ITPR2: variants seen among roughly 807,000 people sequenced by gnomAD.
ITPR2 encodes the protein inositol 1,4,5-trisphosphate-gated calcium channel ITPR2.
ITPR2 carries 207 observed loss-of-function variants against 317.1 expected under a neutral mutation model. The observed-to-expected ratio is 0.65, with a 90% CI of 0.58 to 0.73. ITPR2 has a LOEUF of 0.73. ITPR2 is among the 30% of genes least tolerant of loss of function. ITPR2 has a pLI of 0.00. For missense variants in ITPR2, 2,613 were observed against 3,284.0 expected (o/e 0.80, Z 4.99); for synonymous variants, 1,156 against 1,149.1 (o/e 1.01, Z -0.12).
chr12:26,832,902 G>C lies in ITPR2; in HGVS notation c.-121C>G. 2 of 757,990 alleles carry C rather than the reference G, an allele frequency of 2.6e-6. No homozygotes were observed. The highest frequency in any genetic ancestry group is 4.4e-6 in the Non-Finnish European group (2 of 459,342). 47.0% of individuals were successfully genotyped at this position (757,990 alleles called of 1,614,324 possible). ...CGGGACTACAGCGGCCAAGAGCCGC[G>C]GCGGAGGGCACGGCCCGAGCCACTG... is the stretch of plus-strand genomic sequence containing the variant. On this transcript the variant is annotated 5_prime_UTR_variant, in exon 1 of 57. Transcript: ENST00000381340.
At chr12:26,628,351 T>C (rs1946671368) in intron 22 of ITPR2, among the ~76,000 whole-genome samples, 189 bp from the exon 23 acceptor site, 1 of 152,248 alleles carries the variant, frequency 6.6e-6, no homozygotes, top group Non-Finnish European at 1.5e-5. Context: ...CTAGCTAATG[T>C]CAGTAAAATC....
intron 55 of ITPR2, chr12:26,373,845 C>T (rs538481242): frequency 6.6e-6 from 1 of 152,334 alleles, no homozygotes; most frequent in South Asian, 2.1e-4. Flanking sequence ...AAGTTCTTCA[C>T]TTGAAGGAGC....
At chr12:26,356,974 T>C (rs1356059626) in intron 55 of ITPR2, among the ~76,000 whole-genome samples, 1 of 152,202 alleles carries the variant, frequency 6.6e-6, no homozygotes, top group Non-Finnish European at 1.5e-5. Context: ...ATGTAAAACT[T>C]GTTTCTAATA....
chr12:26,715,787 T>C lies in ITPR2; in HGVS notation c.673A>G (p.Lys225Glu). The C allele has an allele frequency of 1.2e-6, 2 of 1,609,706 alleles. No homozygotes were observed. The highest frequency in any genetic ancestry group is 4.5e-5 in the East Asian group (2 of 44,784). Residue 225 changes from lysine to glutamate, a missense_variant, in exon 7 of 57, where the codon AAA (lysine) becomes GAA (glutamate). This residue lies in a region of ITPR2 where 515 missense variants were observed against 789.4 expected (regional missense o/e 0.65). Coordinates refer to ENST00000381340, the MANE Select transcript of ITPR2 (RefSeq NM_002223.4). ...ACATCCTCTCGATAGGAACTATATT[T>C]CATGAATAAAGTGATTTTCCAGCTG... ...NTSWKITLFM[K>E]YSSYREDVLK...
At chr12:26,436,384 A>G in intron 47 of ITPR2, 38 bp from the exon 48 acceptor site, 1 of 1,577,394 alleles carries the variant, frequency 6.3e-7, no homozygotes, top group Non-Finnish European at 8.6e-7. Context: ...GAACAGGAAA[A>G]TACATTTTGG....
Position 26,831,472 on chromosome 12 carries a change from G to T in ITPR2, c.92+1218C>A, listed in dbSNP as rs961083038. ...CCCCAAAGCCTAACAGCTGAAAACAGTAGCCAGACAGGAGTGGAAACACCA... is the reference window on the plus strand; with the variant it reads ...CCCCAAAGCCTAACAGCTGAAAACATTAGCCAGACAGGAGTGGAAACACCA... On this transcript the variant is annotated intron_variant, in intron 1 of 56. Transcript: ENST00000381340. The surrounding 1 kb of genome is among the most constrained non-coding windows in gnomAD (Gnocchi z 4.9). 6.6e-6 allele frequency among the ~76,000 whole-genome samples: 1 copy of T among 152,024 alleles called. No individual in the cohort carries two copies. Among genetic ancestry groups the T allele is most frequent in the Non-Finnish European group, 1.5e-5 (1 of 68,020 alleles).
At chr12:26,675,702 A>T (rs1293701467) in intron 13 of ITPR2, among the ~76,000 whole-genome samples, 6 of 152,114 alleles carry the variant, frequency 3.9e-5, no homozygotes, top group African/African-American at 4.8e-5. Flanking sequence ...ATAATAATAA[A>T]AAAAAAATTA....
chr12:26,513,618 G>A (rs1943413553), intron 37 of ITPR2, among the ~76,000 whole-genome samples: 1 of 151,998 alleles, frequency 6.6e-6, no homozygotes, highest in African/African-American at 2.4e-5. Flanking sequence ...AGTCATCTGG[G>A]AATATAATTT....
Position 26,411,343 on chromosome 12 carries a change from G to A in ITPR2, c.7376C>T (p.Pro2459Leu), listed in dbSNP as rs1341508639. Reference sequence around the variant, plus strand: ...ACCTGTATTTGAAGCTGGAATTGTGGGTGAACAGTTCTCCTTGGCACATGC... The same window carrying A: ...ACCTGTATTTGAAGCTGGAATTGTGAGTGAACAGTTCTCCTTGGCACATGC... ...MEACAKENCS[P>L]TIPASNTADE... The change falls in exon 52 of 57, where the codon CCC (proline) becomes CTC (leucine). Residue 2459 changes from proline (P) to leucine (L), a missense_variant. Around this residue, in one of 9 missense-constraint regions of ITPR2, gnomAD observed 113 missense variants for 129.2 expected, o/e 0.87. Transcript: ENST00000381340. 1 of 1,613,240 alleles carries A rather than the reference G, an allele frequency of 6.2e-7. No individual in the cohort carries two copies. Among genetic ancestry groups the A allele is most frequent in the East Asian group, 2.2e-5 (1 of 44,828 alleles).
At chr12:26,635,842 G>C (rs1372416074) in intron 21 of ITPR2, among the ~76,000 whole-genome samples, 1 of 152,172 alleles carries the variant, frequency 6.6e-6, no homozygotes, top group Non-Finnish European at 1.5e-5. Flanking sequence ...CCTCCCAGTG[G>C]CTGAGGGTCT....
At chr12:26,773,197 T>C (rs1228426739) in intron 2 of ITPR2, among the ~76,000 whole-genome samples, 1 of 152,256 alleles carries the variant, frequency 6.6e-6, no homozygotes, top group Non-Finnish European at 1.5e-5. Flanking sequence ...GGTTTCCACA[T>C]TTGTAAAACA....
chr12:26,719,832 C>T (rs944367200), intron 5 of ITPR2, among the ~76,000 whole-genome samples: 3 of 152,060 alleles, frequency 2.0e-5, no homozygotes, highest in African/African-American at 7.2e-5. Flanking sequence ...TGAAGAGTTT[C>T]TTTTTTCAAG....
intron 55 of ITPR2, among the ~76,000 whole-genome samples, chr12:26,344,329 G>C (rs1015940034): frequency 6.6e-6 from 1 of 152,184 alleles, no homozygotes; most frequent in Non-Finnish European, 1.5e-5. Context: ...GATTCCAGAG[G>C]GGTTGTTGGG....
At chr12:26,794,181 TG>T (rs1441193060) in intron 1 of ITPR2, among the ~76,000 whole-genome samples, 2 of 152,204 alleles carry the variant, frequency 1.3e-5, no homozygotes, top group Admixed American at 6.5e-5. Context: ...ATAGCTACTT[TG>T]ATTTTATACA....
rs772093325 is a variant in ITPR2, at chr12:26,654,047, A to T, written c.2669T>A (p.Leu890Gln). ...GGCCTGTACAATGTCTAAAATAGCC[A>T]GAAGTGTTCTTGTTAGCCTTAATAA... ...SELLRLTRTL[L>Q]AILDIVQAPM... is the part of the protein sequence containing the mutation. Residue 890 changes from leucine (L) to glutamine (Q), a missense_variant, in exon 21 of 57, where the codon CTG (leucine) becomes CAG (glutamine). Leu to Gln is a moderately radical substitution (Grantham distance 113). Transcript: ENST00000381340. 2 of 1,585,662 alleles carry T rather than the reference A, an allele frequency of 1.3e-6. No homozygotes were observed. Among genetic ancestry groups the T allele is most frequent in the Non-Finnish European group, 1.7e-6 (2 of 1,165,102 alleles).
In ITPR2 at chr12:26,628,066, C is replaced by T; in HGVS notation, c.3031G>A (p.Ala1011Thr). Reference sequence around the variant, plus strand: ...AGTAAAGTGTCTGGAGATCCACTGGCAGATGTCTCCGCATTGTCATTGTCC... The same window carrying T: ...AGTAAAGTGTCTGGAGATCCACTGGTAGATGTCTCCGCATTGTCATTGTCC... ...GEDNDNAETSASGSPDTLLPS... is the reference protein window; with the variant it reads ...GEDNDNAETSTSGSPDTLLPS... Residue 1011 changes from alanine (A) to threonine (T), a missense_variant, in exon 23 of 57, where the codon GCC becomes ACC. By Grantham distance (58) the Ala-to-Thr change is moderately conservative. Around this residue, in one of 9 missense-constraint regions of ITPR2, gnomAD observed 817 missense variants for 897.6 expected, o/e 0.91. Coordinates refer to ENST00000381340, the MANE Select transcript of ITPR2 (RefSeq NM_002223.4). 1 of 1,613,174 alleles carries T rather than the reference C, an allele frequency of 6.2e-7. No individual in the cohort carries two copies. Among genetic ancestry groups the T allele is most frequent in the Non-Finnish European group, 8.5e-7 (1 of 1,179,516 alleles).
chr12:26,447,503 G>A (rs1941635459), intron 45 of ITPR2, among the ~76,000 whole-genome samples: 1 of 143,622 alleles, frequency 7.0e-6, no homozygotes, highest in Non-Finnish European at 1.5e-5. Context: ...CTTCAGTATG[G>A]GTCCAAGTAA....
At chr12:26,787,903 C>G (rs937464881) in intron 2 of ITPR2, among the ~76,000 whole-genome samples, 13 of 147,100 alleles carry the variant, frequency 8.8e-5, no homozygotes, top group Non-Finnish European at 1.0e-4. Context: ...TTATGCCTTT[C>G]TATCATAAGG....
chr12:26,443,211 A>G (rs1296170030), intron 46 of ITPR2, among the ~76,000 whole-genome samples: 2 of 152,194 alleles, frequency 1.3e-5, no homozygotes, highest in African/African-American at 4.8e-5. Flanking sequence ...TTAAAAAAGA[A>G]ACCTTTTCCT....
Sources: allele counts gnomAD v4.1 joint callset (sites outside exome capture counted in the v4.1 genomes callset), GRCh38; gene constraint gnomAD v4.1.1; regional missense constraint gnomAD v4.1.1; non-coding constraint Gnocchi (gnomAD v3.1); transcripts MANE v1.5; gene names NCBI Gene and HGNC (gene_info 2026-07-23, HGNC 2026-07-21).